Variants in LOXL2 observed in about 807,000 individuals in gnomAD.
LOXL2 encodes the protein lysyl oxidase like 2.
Under a neutral mutation model 93.0 loss-of-function variants are expected in LOXL2, and 70 were observed. The observed-to-expected ratio is 0.75, with a 90% CI of 0.62 to 0.92. The LOEUF (loss-of-function observed/expected upper bound fraction) is 0.92, where lower values mean the gene tolerates loss of function less well. LOXL2 is among the 40% of genes least tolerant of loss of function. The pLI, the probability that LOXL2 is intolerant of heterozygous loss-of-function variation, is 0.00. For synonymous variants in LOXL2, 438 were observed against 413.2 expected (o/e 1.06, Z -0.73); for missense variants, 973 against 1,054.9 (o/e 0.92, Z 1.08).
intron 2 of LOXL2, among the ~76,000 whole-genome samples, chr8:23,366,389 G>A (rs1563203310): frequency 6.6e-6 from 1 of 152,296 alleles, no homozygotes; most frequent in East Asian, 1.9e-4. Flanking sequence ...TACCCCAAAA[G>A]GAAATTTTCA....
chr8:23,298,596 C>T (rs1047475646), intron 13 of LOXL2, among the ~76,000 whole-genome samples: 3 of 152,204 alleles, frequency 2.0e-5, no homozygotes, highest in African/African-American at 7.2e-5. Flanking sequence ...CTTAAAAAGC[C>T]TTGGGGTCTG....
At chr8:23,349,454 T>G (rs570611924) in intron 3 of LOXL2, among the ~76,000 whole-genome samples, 3 of 152,180 alleles carry the variant, frequency 2.0e-5, no homozygotes, top group Non-Finnish European at 2.9e-5. Context: ...CCAAGTGCTG[T>G]GTGAGACCCT....
chr8:23,298,983 C>T (rs1301314642), intron 12 of LOXL2, 36 bp from the exon 13 acceptor site: 1 of 1,257,784 alleles, frequency 8.0e-7, no homozygotes. Context: ...CTGCTTGTTC[C>T]CTCTGCGGCC....
chr8:23,340,882 T>TTGCCTGGCCA lies in LOXL2; in HGVS notation c.743+100_743+109dup, dbSNP rs1482057045. The TTGCCTGGCCA allele has an allele frequency of 1.4e-5, 14 of 1,006,712 alleles. No homozygotes were observed. The African/African-American group carries it at 1.7e-4, about 12-fold the overall frequency. 62.4% of individuals were successfully genotyped at this position (1,006,712 alleles called of 1,614,324 possible). On this transcript the variant is annotated intron_variant, in intron 4 of 13. Transcript: ENST00000389131. ...GCAGGCTGCCTGCAGGGACACCAGC[T>TTGCCTGGCCA]TGCCTGGCCATGCCTGGCCAAGGAA...
chr8:23,347,168 A>AACACAC lies in LOXL2; in HGVS notation c.532-5971_532-5966dup, dbSNP rs60464587. On this transcript the variant is annotated intron_variant, in intron 3 of 13. Transcript: ENST00000389131. ...ACCCTATCTCTACTAAACACACACA[A>AACACAC]ACACACACACACACACACACACACA... 1.2e-3 allele frequency among the ~76,000 whole-genome samples: 167 copies of AACACAC among 141,870 alleles called. 1 individual carries two copies. Among genetic ancestry groups the AACACAC allele is most frequent in the East Asian group, 6.3e-3 (29 of 4,640 alleles). 93.1% of individuals were successfully genotyped at this position (141,870 alleles called of 152,430 possible).
intron 1 of LOXL2, among the ~76,000 whole-genome samples, chr8:23,380,077 G>T (rs1318813914): frequency 6.6e-6 from 1 of 152,184 alleles, no homozygotes; most frequent in African/African-American, 2.4e-5. Context: ...GGCCATCTTG[G>T]AATTGCCCCC....
At chr8:23,362,907 G>C (rs1804324802) in intron 2 of LOXL2, among the ~76,000 whole-genome samples, 1 of 152,100 alleles carries the variant, frequency 6.6e-6, no homozygotes, top group African/African-American at 2.4e-5. Context: ...CTCCTTTTAG[G>C]AGTCTAGAGC....
At position 23,356,545 on chromosome 8, in the gene LOXL2, A is replaced by T. The variant is rs79124328; in HGVS notation, c.531+3545T>A. Among the ~76,000 whole-genome samples, 193 of 152,334 alleles carry T rather than the reference A, an allele frequency of 1.3e-3. 2 individuals are homozygous for T. The East Asian group carries it at 0.02, about 16-fold the overall frequency. On this transcript the variant is annotated intron_variant, in intron 3 of 13. Coordinates refer to ENST00000389131, the MANE Select transcript of LOXL2 (RefSeq NM_002318.3). The stretch of plus-strand genomic sequence containing the variant: ...CCCTGGATGCAAGAATCTTCTGGCA[A>T]CTCAAGGAGGTTCTCCCCAGACATC...
At chr8:23,313,860 A>T (rs996274244) in intron 9 of LOXL2, among the ~76,000 whole-genome samples, 3 of 151,718 alleles carry the variant, frequency 2.0e-5, no homozygotes, top group African/African-American at 7.3e-5. Flanking sequence ...TGAACAGGCA[A>T]CCTACAAAAT....
chr8:23,350,634 G>A (rs1804076642), intron 3 of LOXL2, among the ~76,000 whole-genome samples: 1 of 152,208 alleles, frequency 6.6e-6, no homozygotes, highest in Non-Finnish European at 1.5e-5. Context: ...GAAAGTGACA[G>A]AGGAAAGGCA....
At chr8:23,357,438 C>T (rs1043619113) in intron 3 of LOXL2, among the ~76,000 whole-genome samples, 3 of 152,150 alleles carry the variant, frequency 2.0e-5, no homozygotes, top group African/African-American at 7.2e-5. Flanking sequence ...CATCTTATTT[C>T]GCCCTGGAAT....
At chr8:23,347,071 C>A (rs1469448666) in intron 3 of LOXL2, among the ~76,000 whole-genome samples, 1 of 152,150 alleles carries the variant, frequency 6.6e-6, no homozygotes, top group Non-Finnish European at 1.5e-5. Context: ...CTAATCCCAG[C>A]ACTTTGGGAG....
chr8:23,388,122 G>A (rs1257373789), intron 1 of LOXL2, among the ~76,000 whole-genome samples: 1 of 152,200 alleles, frequency 6.6e-6, no homozygotes, highest in Non-Finnish European at 1.5e-5. Flanking sequence ...ATTCGAGTCA[G>A]GTTATTCAGG....
At chr8:23,317,163 A>G (rs767755976) in intron 8 of LOXL2, 49 bp from the exon 9 acceptor site, 1 of 1,570,838 alleles carries the variant, frequency 6.4e-7, no homozygotes. Context: ...TCAAACTGTC[A>G]CTTTCTCATA....
At chr8:23,367,373 T>C (rs867711592) in intron 2 of LOXL2, among the ~76,000 whole-genome samples, 1 of 152,146 alleles carries the variant, frequency 6.6e-6, no homozygotes, top group African/African-American at 2.4e-5. Flanking sequence ...TTTTTAAAAA[T>C]AAACTAATAA....
At chr8:23,342,753 A>G (rs1803904986) in intron 3 of LOXL2, among the ~76,000 whole-genome samples, 1 of 147,812 alleles carries the variant, frequency 6.8e-6, no homozygotes, top group Non-Finnish European at 1.5e-5. Flanking sequence ...TAATTAATTA[A>G]TTTTTATTCT....
In LOXL2 at chr8:23,296,935, A is replaced by ATGAC. The variant is rs1803037653; in HGVS notation, c.*1104_*1107dup. Among the ~76,000 whole-genome samples, 1 of 152,206 alleles carries ATGAC rather than the reference A, an allele frequency of 6.6e-6. No homozygotes were observed. The highest frequency in any genetic ancestry group is 2.1e-4 in the South Asian group (1 of 4,832). On this transcript the variant is annotated 3_prime_UTR_variant, in exon 14 of 14. Transcript: ENST00000389131. Reference sequence around the variant, plus strand: ...AAACCACAGGAGTTCAAGAAAGATTATGACTCCTGTTCCGTTACTTTTTGT... The same window carrying ATGAC: ...AAACCACAGGAGTTCAAGAAAGATTATGACTGACTCCTGTTCCGTTACTTTTTGT...
chr8:23,332,632 TACAC>T (rs1257911431), intron 5 of LOXL2, among the ~76,000 whole-genome samples: 1 of 78,686 alleles, frequency 1.3e-5, no homozygotes, highest in East Asian at 4.4e-4. Flanking sequence ...CACCCACTCA[TACAC>T]ACCCACACTC....
chr8:23,316,912 T>C (rs3824213), intron 9 of LOXL2, 37 bp downstream of exon 9: 1,165,777 of 1,529,624 alleles, frequency 0.76, 445,086 homozygotes, highest in Non-Finnish European at 0.77. Flanking sequence ...CTGGTCCCCT[T>C]GGGAGCCCGG....
Sources: allele counts gnomAD v4.1 joint callset (sites outside exome capture counted in the v4.1 genomes callset), GRCh38; gene constraint gnomAD v4.1.1; transcripts MANE v1.5; gene names NCBI Gene and HGNC (gene_info 2026-07-23, HGNC 2026-07-21).